The following ORC2 variants were observed in gnomAD, a reference collection of about 807,000 sequenced individuals.
ORC2 encodes origin recognition complex protein 2 homolog.
ORC2 carries 37 observed loss-of-function variants against 77.7 expected under a neutral mutation model. The ratio of observed to expected loss-of-function variants is 0.48; its 90% confidence interval spans 0.37 to 0.63. ORC2 has a LOEUF of 0.63. Among genes scored for constraint, ORC2 ranks in the 20% least tolerant of loss-of-function variants. The pLI is 0.00. For synonymous variants in ORC2, 201 were observed against 229.5 expected, an observed-to-expected ratio of 0.88 and a Z score of 1.12; for missense variants, 557 against 661.9, an observed-to-expected ratio of 0.84 and a Z score of 1.74.
intron 1 of ORC2, among the ~76,000 whole-genome samples, chr2:200,960,091 C>T (rs2041544889): frequency 1.3e-5 from 2 of 152,006 alleles, no homozygotes; most frequent in South Asian, 4.1e-4. Flanking sequence ...GATCTGCCCA[C>T]CTCAGCCTCC....
rs571130398 is a variant in ORC2 at position 200,963,497 on chromosome 2, T to A, written c.-67A>T. On this transcript the variant is annotated 5_prime_UTR_variant, in exon 1 of 18. Coordinates refer to ENST00000234296, the MANE Select transcript of ORC2 (RefSeq NM_006190.5). Reference sequence around the variant, plus strand: ...CGACACCCCACTACTCACCGCTAGGTTTCCGTCTGGCGCCGATCCGGCTGC... The same window carrying A: ...CGACACCCCACTACTCACCGCTAGGATTCCGTCTGGCGCCGATCCGGCTGC... The A allele has an allele frequency of 3.3e-5, 13 of 398,546 alleles. No individual in the cohort carries two copies. Among genetic ancestry groups the A allele is most frequent in the African/African-American group, 2.5e-4 (12 of 48,726 alleles). The allele number at this position is 398,546 out of a possible 1,614,324, so 24.7% of individuals were successfully genotyped here.
At chr2:200,947,913 TTC>T (rs2041278413) in intron 5 of ORC2, among the ~76,000 whole-genome samples, 1 of 151,522 alleles carries the variant, frequency 6.6e-6, no homozygotes, top group African/African-American at 2.4e-5. Context: ...TTTTTTAATT[TTC>T]TTTTTTTTTT....
chr2:200,911,069 G>T lies in ORC2; in HGVS notation c.*232C>A. 2.5e-6 allele frequency: 1 copy of T among 403,106 alleles called. No individual in the cohort carries two copies. The allele number at this position is 403,106 out of a possible 1,614,324, so 25.0% of individuals were successfully genotyped here. On this transcript the variant is annotated 3_prime_UTR_variant, in exon 18 of 18. Coordinates refer to ENST00000234296, the MANE Select transcript of ORC2 (RefSeq NM_006190.5). ...ATTCCAGCAAGAAGTCTCCAGAGAG[G>T]TAATGAATGAAAGGCACATTTTCTC...
chr2:200,917,736 G>A (rs1375918389), intron 15 of ORC2, among the ~76,000 whole-genome samples: 1 of 151,146 alleles, frequency 6.6e-6, no homozygotes, highest in African/African-American at 2.5e-5. Context: ...GATGGTGGTG[G>A]TTGGTGGAAG....
chr2:200,947,421 A>G (rs1264320734), intron 5 of ORC2, among the ~76,000 whole-genome samples: 1 of 152,156 alleles, frequency 6.6e-6, no homozygotes, highest in African/African-American at 2.4e-5. Context: ...AACATTTAAC[A>G]TATTTTATTT....
chr2:200,940,231 G>T (rs555087731), intron 7 of ORC2, among the ~76,000 whole-genome samples: 49 of 152,168 alleles, frequency 3.2e-4, no homozygotes, highest in Non-Finnish European at 6.8e-4. Context: ...ATTAAAGAGG[G>T]TTGCCTTTAA....
intron 15 of ORC2, among the ~76,000 whole-genome samples, chr2:200,919,370 A>T (rs1199844269): frequency 4.0e-5 from 6 of 151,594 alleles, no homozygotes; most frequent in African/African-American, 1.5e-4. Context: ...TTTCTTTATT[A>T]TTTTTTTGAG....
At chr2:200,946,050 A>G (rs2041243983) in intron 5 of ORC2, among the ~76,000 whole-genome samples, 1 of 150,858 alleles carries the variant, frequency 6.6e-6, no homozygotes, top group South Asian at 2.1e-4. Context: ...TTATTTTCTT[A>G]CTCTAGATAC....
At chr2:200,924,829 G>C (rs2040816697) in intron 13 of ORC2, among the ~76,000 whole-genome samples, 2 of 151,950 alleles carry the variant, frequency 1.3e-5, no homozygotes, top group African/African-American at 4.8e-5. Flanking sequence ...TATGATCTTG[G>C]CTCACTGCAA....
chr2:200,944,469 G>A (rs759440264), intron 5 of ORC2, among the ~76,000 whole-genome samples: 7 of 151,898 alleles, frequency 4.6e-5, no homozygotes, highest in African/African-American at 9.7e-5. Context: ...CACCGCGCCC[G>A]GCTAAGATAG....
At chr2:200,923,107 A>C (rs1307850314) in intron 13 of ORC2, among the ~76,000 whole-genome samples, 1 of 152,094 alleles carries the variant, frequency 6.6e-6, no homozygotes, top group Non-Finnish European at 1.5e-5. Flanking sequence ...TATATACTTG[A>C]CTCTCATTAC....
intron 13 of ORC2, among the ~76,000 whole-genome samples, chr2:200,925,227 T>A (rs2124956723): frequency 6.6e-6 from 1 of 152,216 alleles, no homozygotes; most frequent in African/African-American, 2.4e-5. Context: ...CTTGAGAGGC[T>A]GAGGCAGGAG....
intron 6 of ORC2, 132 bp from the exon 7 acceptor site, chr2:200,941,411 G>T: frequency 1.5e-6 from 1 of 657,132 alleles, no homozygotes; most frequent in Non-Finnish European, 2.6e-6. Flanking sequence ...GGGAGGCAAG[G>T]CAGGAAGATT....
At chr2:200,925,025 G>A (rs969932348) in intron 13 of ORC2, among the ~76,000 whole-genome samples, 10 of 152,210 alleles carry the variant, frequency 6.6e-5, no homozygotes, top group African/African-American at 2.4e-4. Flanking sequence ...CTCCCAAAGT[G>A]CTGGGATTAC....
intron 15 of ORC2, among the ~76,000 whole-genome samples, chr2:200,914,838 A>G (rs1441196445): frequency 6.6e-6 from 1 of 152,130 alleles, no homozygotes; most frequent in Non-Finnish European, 1.5e-5. Context: ...AGAGAAAAAT[A>G]TCAATCCCAT....
At chr2:200,916,154 T>C (rs533301511) in intron 15 of ORC2, among the ~76,000 whole-genome samples, 8 of 152,194 alleles carry the variant, frequency 5.3e-5, no homozygotes, top group Non-Finnish European at 1.2e-4. Context: ...ATGCTGAGGC[T>C]AGCACACAGA....
At chr2:200,955,231 C>T (rs1192259357) in intron 4 of ORC2, among the ~76,000 whole-genome samples, 1 of 152,112 alleles carries the variant, frequency 6.6e-6, no homozygotes, top group Non-Finnish European at 1.5e-5. Flanking sequence ...TTAGGCCTGG[C>T]ATAATAGGGA....
At chr2:200,934,732 C>T (rs183985613) in intron 9 of ORC2, among the ~76,000 whole-genome samples, 1 of 152,146 alleles carries the variant, frequency 6.6e-6, no homozygotes, top group Admixed American at 6.5e-5. Context: ...AACCCACAAA[C>T]AAATAAAAAA....
intron 17 of ORC2, 141 bp downstream of exon 17, chr2:200,913,154 T>C: frequency 1.9e-6 from 1 of 533,932 alleles, no homozygotes; most frequent in African/African-American, 1.9e-5. Flanking sequence ...CAAACTCAAA[T>C]GGCACATCCC....
Sources: gnomAD v4.1 joint callset for allele counts (sites outside exome capture counted in the v4.1 genomes callset) on GRCh38, gnomAD v4.1.1 for gene constraint, MANE v1.5 for transcripts, NCBI Gene and HGNC (gene_info 2026-07-23, HGNC 2026-07-21) for gene names.